ART3: variants seen among roughly 807,000 people sequenced by gnomAD.
ART3 encodes the protein ADP-ribosyltransferase 3 (inactive), also known as ecto-ADP-ribosyltransferase 3.
Under a neutral mutation model 48.5 loss-of-function variants are expected in ART3, and 49 were observed. The observed-to-expected ratio is 1.01, with a 90% confidence interval of 0.80 to 1.28. The LOEUF is 1.28. Among genes scored for constraint, ART3 ranks in the 50% most tolerant of loss-of-function variants. ART3 has a pLI of 0.00. For missense variants in ART3, 438 were observed against 454.3 expected, an observed-to-expected ratio of 0.96 and a Z score of 0.33; for synonymous variants, 145 against 157.2, an observed-to-expected ratio of 0.92 and a Z score of 0.58.
intron 11 of ART3, among the ~76,000 whole-genome samples, chr4:76,110,312 A>G (rs1453989124): frequency 6.6e-6 from 1 of 152,228 alleles, no homozygotes; most frequent in Non-Finnish European, 1.5e-5. Flanking sequence ...ATCTAGAGAT[A>G]GTATAAGGTA....
chr4:76,111,723 G>A (rs1483758812), intron 11 of ART3, among the ~76,000 whole-genome samples: 1 of 151,910 alleles, frequency 6.6e-6, no homozygotes, highest in Non-Finnish European at 1.5e-5. Flanking sequence ...TGTATATTTA[G>A]TAGAGACGGG....
rs1014911628 is a variant in ART3, at chr4:76,034,458, T to C, written c.-10+23138T>C. On this transcript the variant is annotated intron_variant, in intron 1 of 9. Coordinates refer to the ART3 transcript ENST00000341029. Reference sequence around the variant, plus strand: ...TCTCTAGCCTAGAAATGCATGAATGTATAATGCAACAAGTAAGAACGTGAA... The same window carrying C: ...TCTCTAGCCTAGAAATGCATGAATGCATAATGCAACAAGTAAGAACGTGAA... 13 of 510,090 alleles carry C rather than the reference T, an allele frequency of 2.5e-5. No homozygotes were observed. The Admixed American group carries it at 3.1e-4, about 12-fold the overall frequency. The allele number at this position is 510,090 out of a possible 1,614,324, so 31.6% of individuals were successfully genotyped here. A position where few individuals can be genotyped will look rare whatever the true frequency, so the allele number is the denominator to read the frequency against.
chr4:76,097,157 A>G (rs1315148241), intron 3 of ART3, among the ~76,000 whole-genome samples: 5 of 152,198 alleles, frequency 3.3e-5, no homozygotes, highest in South Asian at 2.1e-4. Flanking sequence ...CAGAGGTCAT[A>G]TGGCTGTTTG....
rs530550778 is a variant in ART3 at position 76,046,723 on chromosome 4, T to TA, written c.-9-29156dup. 2.2e-4 allele frequency among the ~76,000 whole-genome samples: 34 copies of TA among 152,094 alleles called. No individual in the cohort carries two copies. In the East Asian group the frequency reaches 5.4e-3, roughly 24 times the overall value. On this transcript the variant is annotated intron_variant, in intron 1 of 9. Coordinates refer to the ART3 transcript ENST00000341029. ...TGTAGATAATAGCTCCAGCCTTGGC[T>TA]AATATATCCCTCCTTAATAAGGGTG...
intron 1 of ART3, among the ~76,000 whole-genome samples, chr4:76,014,747 T>C (rs1732109134): frequency 6.6e-6 from 1 of 152,158 alleles, no homozygotes. Context: ...CACACTGAGA[T>C]ACCTAATAGT....
upstream of ART3, among the ~76,000 whole-genome samples, chr4:76,070,761 C>G (rs1473922656): frequency 2.0e-5 from 3 of 152,106 alleles, no homozygotes; most frequent in Admixed American, 6.6e-5. Context: ...TCACTTAAAC[C>G]ATCATCTTTT....
chr4:76,051,878 TG>T (rs1398333365), intron 1 of ART3, among the ~76,000 whole-genome samples: 3 of 150,746 alleles, frequency 2.0e-5, no homozygotes, highest in African/African-American at 7.3e-5. Context: ...TCTGAGTTTA[TG>T]TTGTATCTCT....
intron 1 of ART3, among the ~76,000 whole-genome samples, chr4:76,032,688 G>A (rs1281721181): frequency 2.7e-5 from 4 of 149,352 alleles, no homozygotes; most frequent in Non-Finnish European, 5.9e-5. Context: ...GGGTTCAAGC[G>A]ATTCTCCTGC....
chr4:76,079,036 G>A (rs913470786), intron 2 of ART3, among the ~76,000 whole-genome samples: 1 of 152,012 alleles, frequency 6.6e-6, no homozygotes, highest in Non-Finnish European at 1.5e-5. Context: ...AGCCGAAATA[G>A]TGCCACTGCA....
chr4:76,022,086 G>T, intron 1 of ART3: 1 of 871,264 alleles, frequency 1.1e-6, no homozygotes, highest in Admixed American at 2.0e-5. Flanking sequence ...GGATTATAGG[G>T]GTTGCTTTTT....
intron 8 of ART3, among the ~76,000 whole-genome samples, chr4:76,103,432 T>C (rs370167065): frequency 6.6e-6 from 1 of 152,126 alleles, no homozygotes; most frequent in Non-Finnish European, 1.5e-5. Flanking sequence ...ACAAAGGGAC[T>C]TCATTTATTG....
intron 3 of ART3, among the ~76,000 whole-genome samples, chr4:76,092,897 C>A (rs1725215060): frequency 6.6e-6 from 1 of 152,140 alleles, no homozygotes; most frequent in Admixed American, 6.5e-5. Flanking sequence ...GCTGCCATAA[C>A]AAATTACCAC....
chr4:76,032,142 G>A (rs4580676), intron 1 of ART3, among the ~76,000 whole-genome samples: 93,034 of 151,834 alleles, frequency 0.61, 29,590 homozygotes, highest in East Asian at 0.94. Flanking sequence ...TTTCTTCTCA[G>A]TAATAATGTA....
At chr4:76,062,008 T>C (rs1220678689) in intron 1 of ART3, among the ~76,000 whole-genome samples, 7 of 152,236 alleles carry the variant, frequency 4.6e-5, no homozygotes, top group Non-Finnish European at 8.8e-5. Flanking sequence ...CTTTTGTTAG[T>C]TTTATGTAAA....
At chr4:76,064,936 A>G (rs1033886381) in intron 1 of ART3, among the ~76,000 whole-genome samples, 1 of 151,800 alleles carries the variant, frequency 6.6e-6, no homozygotes, top group East Asian at 1.9e-4. Flanking sequence ...GGTTCAAGCG[A>G]TTCTCCTGCC....
At chr4:76,088,225 G>A (rs1724036263) in intron 3 of ART3, among the ~76,000 whole-genome samples, 1 of 147,222 alleles carries the variant, frequency 6.8e-6, no homozygotes, top group African/African-American at 2.5e-5. Context: ...AAATAGTAGA[G>A]CACATATCAT....
intron 3 of ART3, among the ~76,000 whole-genome samples, chr4:76,090,066 G>A (rs1457166270): frequency 6.6e-6 from 1 of 152,136 alleles, no homozygotes; most frequent in Non-Finnish European, 1.5e-5. Context: ...GGTGACAAGA[G>A]TGAAACTCCA....
chr4:76,049,718 TGTCTCACCGCTCGGCGATAGGCGATG>T (rs1279001023), intron 1 of ART3, among the ~76,000 whole-genome samples: 3 of 151,760 alleles, frequency 2.0e-5, no homozygotes, highest in African/African-American at 4.8e-5. Context: ...GATAGGCGAT[TGTCTCACCGCTCGGCGATAGGCGATG>T]GTCTTACCGC....
intron 1 of ART3, among the ~76,000 whole-genome samples, chr4:76,066,455 C>G (rs76529825): frequency 0.051 from 7,761 of 152,226 alleles, 244 homozygotes; most frequent in South Asian, 0.14. Flanking sequence ...GGCAGCTTCT[C>G]TCTGCTCGCT....
Sources: allele counts gnomAD v4.1 joint callset (sites outside exome capture counted in the v4.1 genomes callset), GRCh38; gene constraint gnomAD v4.1.1; transcripts MANE v1.5; gene names NCBI Gene and HGNC (gene_info 2026-07-23, HGNC 2026-07-21).